Variants in TMPRSS11A observed in about 807,000 individuals in gnomAD.
TMPRSS11A encodes transmembrane serine protease 11A, also known as transmembrane protease serine 11A.
In TMPRSS11A, 53 loss-of-function variants were observed where a neutral mutation model predicts 58.9. The ratio of observed to expected loss-of-function variants is 0.90; its 90% CI spans 0.72 to 1.13. The LOEUF (loss-of-function observed/expected upper bound fraction) is 1.13, where lower values mean the gene tolerates loss of function less well. Among genes scored for constraint, TMPRSS11A ranks in the 50% most tolerant of loss-of-function variants. The pLI is 0.00. For missense variants in TMPRSS11A, 493 were observed against 499.3 expected, an observed-to-expected ratio of 0.99 and a Z score of 0.12; for synonymous variants, 167 against 169.8, an observed-to-expected ratio of 0.98 and a Z score of 0.13.
chr4:67,948,152 T>G (rs2319690), intron 1 of TMPRSS11A, among the ~76,000 whole-genome samples: 66 of 97,838 alleles, frequency 6.7e-4, no homozygotes, highest in Admixed American at 9.0e-4. Context: ...TTTTTCTTTT[T>G]TTTTTTTTTT....
chr4:67,962,347 G>A (rs896254747), intron 1 of TMPRSS11A, among the ~76,000 whole-genome samples: 15 of 152,144 alleles, frequency 9.9e-5, no homozygotes, highest in African/African-American at 2.9e-4. Flanking sequence ...GGCCAATCTC[G>A]TATCAAATTA....
At chr4:67,963,256 TA>T in intron 1 of TMPRSS11A, 126 bp downstream of exon 1, 3 of 829,110 alleles carry the variant, frequency 3.6e-6, no homozygotes, top group Non-Finnish European at 5.5e-6. Flanking sequence ...TCCAGAAATT[TA>T]AAAAAATCCA....
intron 4 of TMPRSS11A, 50 bp downstream of exon 4, chr4:67,931,943 T>C (rs1720634239): frequency 1.8e-6 from 2 of 1,123,684 alleles, no homozygotes; most frequent in Non-Finnish European, 2.7e-6. Flanking sequence ...GTCTCCTTTG[T>C]TCCTTTTCCC....
intron 2 of TMPRSS11A, among the ~76,000 whole-genome samples, 162 bp downstream of exon 2, chr4:67,946,288 A>C (rs1720999134): frequency 6.6e-6 from 1 of 152,204 alleles, no homozygotes; most frequent in African/African-American, 2.4e-5. Context: ...ATAAGAATTT[A>C]GTACTTGTTT....
rs756185106 is a variant in TMPRSS11A at position 67,919,132 on chromosome 4, G to A, written c.793C>T (p.Arg265Cys). The A allele has an allele frequency of 1.1e-5, 18 of 1,614,002 alleles. No individual in the cohort carries two copies. The highest frequency in any genetic ancestry group is 7.7e-5 in the South Asian group (7 of 91,086). Residue 265 changes from arginine to cysteine, a missense_variant, in exon 8 of 10, where the codon CGC becomes TGC. Transcript: ENST00000508048. The part of the protein sequence containing the change: ...VRRFIIHEKY[R>C]SAAREYDIAV... ...ATGTCGTACTCTCTTGCTGCAGAGC[G>A]GTACTTCTCATGGATAATAAATCTT...
intron 3 of TMPRSS11A, among the ~76,000 whole-genome samples, chr4:67,933,288 C>T (rs1720674091): frequency 6.6e-6 from 1 of 152,168 alleles, no homozygotes; most frequent in South Asian, 2.1e-4. Context: ...TGTTAGAAAT[C>T]TGTGACTCAG....
intron 1 of TMPRSS11A, among the ~76,000 whole-genome samples, chr4:67,955,373 C>T (rs536595370): frequency 5.9e-5 from 9 of 152,204 alleles, no homozygotes; most frequent in East Asian, 5.8e-4. Flanking sequence ...CGTGTGTGTA[C>T]GCACACTTAG....
At chr4:67,942,158 A>G (rs1207266111) in intron 3 of TMPRSS11A, among the ~76,000 whole-genome samples, 3 of 152,252 alleles carry the variant, frequency 2.0e-5, no homozygotes, top group African/African-American at 7.2e-5. Flanking sequence ...CATGCAAATT[A>G]AATCACAAAT....
In TMPRSS11A at chr4:67,910,381, G is replaced by T. The variant is rs909612798; in HGVS notation, c.*961C>A. 1 of 151,994 alleles carries T rather than the reference G, an allele frequency of 6.6e-6. No individual in the cohort carries two copies. The highest frequency in any genetic ancestry group is 2.4e-5 in the African/African-American group (1 of 41,426). 9.4% of individuals were successfully genotyped at this position (151,994 alleles called of 1,614,324 possible). ...GCTATTTGGCTGTAGCAATGCGAGG[G>T]CATAAAATTTTTCTTGCTACGGAGG... On this transcript the variant is annotated 3_prime_UTR_variant, in exon 10 of 10. Transcript: ENST00000508048.
At chr4:67,923,530 G>A (rs1720387184) in intron 6 of TMPRSS11A, among the ~76,000 whole-genome samples, 1 of 152,006 alleles carries the variant, frequency 6.6e-6, no homozygotes, top group African/African-American at 2.4e-5. Flanking sequence ...TTTTTGAGAT[G>A]GAGTCTCACT....
At chr4:67,934,022 G>T (rs984404481) in intron 3 of TMPRSS11A, among the ~76,000 whole-genome samples, 27 of 152,166 alleles carry the variant, frequency 1.8e-4, no homozygotes, top group Non-Finnish European at 3.7e-4. Context: ...TCTTTGAATT[G>T]TTAGGTTGTC....
intron 3 of TMPRSS11A, among the ~76,000 whole-genome samples, chr4:67,934,178 T>C (rs1277435388): frequency 6.6e-6 from 1 of 152,172 alleles, no homozygotes; most frequent in African/African-American, 2.4e-5. Context: ...GGAGGAGGCC[T>C]TAGAATCTTT....
At chr4:67,927,485 G>T (rs1720504113) in intron 5 of TMPRSS11A, among the ~76,000 whole-genome samples, 1 of 152,246 alleles carries the variant, frequency 6.6e-6, no homozygotes, top group Non-Finnish European at 1.5e-5. Flanking sequence ...AGTGTGCCTG[G>T]CTGTGGGCAG....
chr4:67,930,184 G>T, intron 4 of TMPRSS11A, 144 bp from the exon 5 acceptor site: 2 of 583,412 alleles, frequency 3.4e-6, no homozygotes, highest in Admixed American at 3.2e-5. Flanking sequence ...CTGACCCAAG[G>T]TCATTTCATA....
intron 1 of TMPRSS11A, among the ~76,000 whole-genome samples, chr4:67,954,625 T>C (rs1163496050): frequency 6.6e-6 from 1 of 152,214 alleles, no homozygotes; most frequent in African/African-American, 2.4e-5. Context: ...TTAAATAGCA[T>C]TGAACTTAGA....
chr4:67,923,046 C>T, intron 6 of TMPRSS11A, 120 bp from the exon 7 acceptor site: 1 of 821,468 alleles, frequency 1.2e-6, no homozygotes, highest in Non-Finnish European at 1.9e-6. Context: ...GACACTTACC[C>T]CACCTGTCAC....
intron 1 of TMPRSS11A, among the ~76,000 whole-genome samples, chr4:67,958,070 A>ATGGAAATGCC (rs1721331109): frequency 6.6e-6 from 1 of 152,182 alleles, no homozygotes; most frequent in Non-Finnish European, 1.5e-5. Context: ...CAGAGGATGT[A>ATGGAAATGCC]TGGAAATGCC....
At chr4:67,951,219 G>GT (rs923628373) in intron 1 of TMPRSS11A, among the ~76,000 whole-genome samples, 1 of 152,200 alleles carries the variant, frequency 6.6e-6, no homozygotes, top group African/African-American at 2.4e-5. Flanking sequence ...GTCATGCCAG[G>GT]TTTTTTCTAA....
chr4:67,961,535 A>T (rs1274151901), intron 1 of TMPRSS11A, among the ~76,000 whole-genome samples: 1 of 67,998 alleles, frequency 1.5e-5, no homozygotes, highest in East Asian at 4.4e-4. Context: ...TTTTTGAGAC[A>T]GAGTCTTGTT....
Sources: gnomAD v4.1 joint callset for allele counts (sites outside exome capture counted in the v4.1 genomes callset) on GRCh38, gnomAD v4.1.1 for gene constraint, MANE v1.5 for transcripts, NCBI Gene and HGNC (gene_info 2026-07-23, HGNC 2026-07-21) for gene names.